The following MUSK variants were observed in gnomAD, a reference collection of about 807,000 sequenced individuals.
MUSK encodes the protein muscle, skeletal receptor tyrosine-protein kinase.
MUSK carries 55 observed loss-of-function variants against 88.7 expected under a neutral mutation model. The ratio of observed to expected loss-of-function variants is 0.62; its 90% CI spans 0.50 to 0.78. The LOEUF (loss-of-function observed/expected upper bound fraction) is 0.78, where lower values mean the gene tolerates loss of function less well. Among genes scored for constraint, MUSK ranks in the 30% least tolerant of loss-of-function variants. The probability of loss-of-function intolerance (pLI) is 0.00; values close to 1 mark genes in which losing one functional copy is unlikely to be tolerated. For synonymous variants in MUSK, 387 were observed against 391.9 expected, an observed-to-expected ratio of 0.99 and a Z score of 0.15; for missense variants, 1,015 against 1,074.3, an observed-to-expected ratio of 0.94 and a Z score of 0.77.
intron 1 of MUSK, among the ~76,000 whole-genome samples, chr9:110,681,840 T>G (rs1349145168): frequency 6.6e-6 from 1 of 152,106 alleles, no homozygotes; most frequent in African/African-American, 2.4e-5. Flanking sequence ...CTATTTCACT[T>G]CTAAATGTCA....
At chr9:110,710,994 C>G (rs1425503149) in intron 5 of MUSK, among the ~76,000 whole-genome samples, 3 of 151,916 alleles carry the variant, frequency 2.0e-5, no homozygotes, top group African/African-American at 7.3e-5. Flanking sequence ...CAAACTATTG[C>G]AAGGACAAAA....
At chr9:110,681,745 TAAG>T (rs1192055081) in intron 1 of MUSK, among the ~76,000 whole-genome samples, 1 of 152,016 alleles carries the variant, frequency 6.6e-6, no homozygotes, top group African/African-American at 2.4e-5. Flanking sequence ...ATAATAATAA[TAAG>T]GTTTATTCAG....
chr9:110,726,943 A>T (rs1298236255), intron 5 of MUSK, among the ~76,000 whole-genome samples: 1 of 152,090 alleles, frequency 6.6e-6, no homozygotes, highest in Non-Finnish European at 1.5e-5. Context: ...GCAGTTTCCT[A>T]ATGTCCAGAT....
At position 110,739,301 on chromosome 9, in the gene MUSK, A is replaced by G. The variant is rs570305981; in HGVS notation, c.753+4926A>G. Among the ~76,000 whole-genome samples, 69 of 152,292 alleles carry G rather than the reference A, an allele frequency of 4.5e-4. 1 individual carries two copies. In the South Asian group the frequency reaches 0.014, roughly 31 times the overall value. On this transcript the variant is annotated intron_variant, in intron 6 of 14. Transcript: ENST00000374448. ...GGCATCAGTTTTCCTCTTCTAGTGA[A>G]GTTGCATGGACAGCACTTCATTCTC...
At chr9:110,729,213 G>A (rs919207879) in intron 5 of MUSK, among the ~76,000 whole-genome samples, 1 of 143,152 alleles carries the variant, frequency 7.0e-6, no homozygotes, top group African/African-American at 2.5e-5. Flanking sequence ...ATTGCACAGA[G>A]ACATATGTTT....
Position 110,734,391 on chromosome 9 carries a change from G to A in MUSK, c.753+16G>A. On this transcript the variant is annotated intron_variant, in intron 6 of 14. Transcript: ENST00000374448. Reference sequence around the variant, plus strand: ...CGGAAATGCTGTGAGTGTCATGTGTGTGGGGACTTGTCTGGGGAAGACCCA... The same window carrying A: ...CGGAAATGCTGTGAGTGTCATGTGTATGGGGACTTGTCTGGGGAAGACCCA... 1 of 1,612,954 alleles carries A rather than the reference G, an allele frequency of 6.2e-7. No homozygotes were observed. Among genetic ancestry groups the A allele is most frequent in the South Asian group, 1.1e-5 (1 of 91,032 alleles).
chr9:110,693,370 T>C (rs1426402912), intron 3 of MUSK, among the ~76,000 whole-genome samples: 1 of 152,162 alleles, frequency 6.6e-6, no homozygotes. Context: ...AATGCTTCCA[T>C]ACTTCTTGGA....
intron 9 of MUSK, among the ~76,000 whole-genome samples, chr9:110,770,731 T>C (rs1173347869): frequency 7.5e-6 from 1 of 132,706 alleles, no homozygotes; most frequent in Non-Finnish European, 1.6e-5. Context: ...CTAGTAAAAT[T>C]TGATGATTTC....
At chr9:110,786,803 C>T (rs1266941180) in intron 13 of MUSK, among the ~76,000 whole-genome samples, 2 of 152,148 alleles carry the variant, frequency 1.3e-5, no homozygotes, top group African/African-American at 4.8e-5. Flanking sequence ...GGATATGGCT[C>T]CACAGACACA....
intron 5 of MUSK, among the ~76,000 whole-genome samples, chr9:110,697,754 T>G (rs2131721603): frequency 6.6e-6 from 1 of 152,264 alleles, no homozygotes; most frequent in South Asian, 2.1e-4. Context: ...TAGAAACCCA[T>G]TTTAGAATGC....
At chr9:110,712,058 TA>T (rs1228613470) in intron 5 of MUSK, among the ~76,000 whole-genome samples, 1 of 151,950 alleles carries the variant, frequency 6.6e-6, no homozygotes. Flanking sequence ...TCCTGATCTA[TA>T]AATGGGTCTG....
At chr9:110,710,848 A>T (rs2076659373) in intron 5 of MUSK, among the ~76,000 whole-genome samples, 1 of 152,202 alleles carries the variant, frequency 6.6e-6, no homozygotes, top group African/African-American at 2.4e-5. Context: ...TGTTGAAAAT[A>T]CTGATCCATT....
chr9:110,770,196 T>C (rs2077547945), intron 9 of MUSK, among the ~76,000 whole-genome samples: 1 of 150,654 alleles, frequency 6.6e-6, no homozygotes, highest in Non-Finnish European at 1.5e-5. Flanking sequence ...TAAAAAATTA[T>C]TGTTTACTCA....
At chr9:110,721,916 T>G (rs923022655) in intron 5 of MUSK, among the ~76,000 whole-genome samples, 7 of 152,094 alleles carry the variant, frequency 4.6e-5, no homozygotes, top group Non-Finnish European at 1.0e-4. Flanking sequence ...GGAACTGAAT[T>G]GTGAACCCAG....
intron 2 of MUSK, among the ~76,000 whole-genome samples, chr9:110,686,202 G>C (rs1415964169): frequency 6.6e-6 from 1 of 151,936 alleles, no homozygotes; most frequent in Admixed American, 6.6e-5. Context: ...CCACTTATAA[G>C]TCTAGCAATG....
intron 2 of MUSK, 27 bp from the exon 3 acceptor site, chr9:110,687,090 T>C: frequency 6.2e-7 from 1 of 1,602,006 alleles, no homozygotes; most frequent in Non-Finnish European, 8.5e-7. Flanking sequence ...GAAGCACTAA[T>C]CTGTCATTTT....
intron 2 of MUSK, among the ~76,000 whole-genome samples, chr9:110,684,769 C>T (rs2076173876): frequency 6.6e-6 from 1 of 151,848 alleles, no homozygotes. Flanking sequence ...ATTTATTTTT[C>T]ATATTGTTCA....
At chr9:110,752,866 T>C (rs2077265033) in intron 7 of MUSK, among the ~76,000 whole-genome samples, 1 of 152,238 alleles carries the variant, frequency 6.6e-6, no homozygotes, top group Admixed American at 6.5e-5. Context: ...CTGACTCATT[T>C]ACATTTACTG....
At chr9:110,769,617 T>C (rs1226112207) in intron 9 of MUSK, among the ~76,000 whole-genome samples, 1 of 152,212 alleles carries the variant, frequency 6.6e-6, no homozygotes, top group Non-Finnish European at 1.5e-5. Context: ...ATCACTTCTT[T>C]AGTTTAGATT....
Sources: allele counts gnomAD v4.1 joint callset (sites outside exome capture counted in the v4.1 genomes callset), GRCh38; gene constraint gnomAD v4.1.1; transcripts MANE v1.5; gene names NCBI Gene and HGNC (gene_info 2026-07-23, HGNC 2026-07-21).